The following ST6GALNAC5 variants were observed in gnomAD, a reference collection of about 807,000 sequenced individuals.
The protein encoded by ST6GALNAC5 is ST6 N-acetylgalactosaminide alpha-2,6-sialyltransferase 5.
In ST6GALNAC5, 27 loss-of-function variants were observed where a neutral mutation model predicts 33.6. The observed-to-expected ratio is 0.80, with a 90% confidence interval of 0.59 to 1.11. ST6GALNAC5 has a LOEUF of 1.11. Ranked by LOEUF, ST6GALNAC5 falls within the 50% of genes least tolerant of loss-of-function variation. The pLI, the probability that ST6GALNAC5 is intolerant of heterozygous loss-of-function variation, is 0.00. For missense variants in ST6GALNAC5, 428 were observed against 454.0 expected, an observed-to-expected ratio of 0.94 and a Z score of 0.52; for synonymous variants, 194 against 171.2, an observed-to-expected ratio of 1.13 and a Z score of -1.04.
chr1:76,929,250 C>T (rs1647113612), intron 2 of ST6GALNAC5, among the ~76,000 whole-genome samples: 3 of 152,012 alleles, frequency 2.0e-5, no homozygotes, highest in Admixed American at 6.6e-5. Context: ...TAAAATACTG[C>T]CTCTAGATGT....
rs975717564 is a variant in ST6GALNAC5, at chr1:77,012,817, A to G, written c.262-31387A>G. 3.9e-5 allele frequency among the ~76,000 whole-genome samples: 6 copies of G among 152,200 alleles called. 1 individual carries two copies. The highest frequency in any genetic ancestry group is 8.8e-5 in the Non-Finnish European group (6 of 68,036). ...TACTCTAGGGGATACAGGAATGAAG[A>G]AAAAAATGGTTCGTTCCCAAGAATC... On this transcript the variant is annotated intron_variant, in intron 2 of 4. Transcript: ENST00000477717.
At chr1:76,897,851 G>A (rs144071525) in intron 2 of ST6GALNAC5, among the ~76,000 whole-genome samples, 2,050 of 152,230 alleles carry the variant, frequency 0.013, 47 homozygotes, top group African/African-American at 0.046. Context: ...AAGCCTGGCC[G>A]TCAATACCCA....
chr1:76,982,566 G>A (rs1102449), intron 2 of ST6GALNAC5, among the ~76,000 whole-genome samples: 1 of 152,184 alleles, frequency 6.6e-6, no homozygotes, highest in Non-Finnish European at 1.5e-5. Flanking sequence ...ATGGGCGGAT[G>A]AAGCCAAGTT....
intron 2 of ST6GALNAC5, among the ~76,000 whole-genome samples, chr1:77,015,763 C>G (rs1650807630): frequency 6.6e-6 from 1 of 151,840 alleles, no homozygotes; most frequent in East Asian, 1.9e-4. Context: ...CAGGAGTGAA[C>G]CAGGTGGAGA....
intron 2 of ST6GALNAC5, among the ~76,000 whole-genome samples, chr1:77,019,927 C>T (rs1370426198): frequency 1.3e-5 from 2 of 152,166 alleles, no homozygotes; most frequent in African/African-American, 4.8e-5. Context: ...ATCAAAAGCC[C>T]TTGGAATCAA....
intron 2 of ST6GALNAC5, among the ~76,000 whole-genome samples, chr1:77,000,986 G>A (rs1036706816): frequency 5.3e-5 from 8 of 150,756 alleles, no homozygotes; most frequent in South Asian, 2.1e-4. Flanking sequence ...CTCTTTTTTG[G>A]TTCCATATGA....
intron 4 of ST6GALNAC5, among the ~76,000 whole-genome samples, chr1:77,052,451 C>G (rs149273510): frequency 6.6e-6 from 1 of 151,956 alleles, no homozygotes; most frequent in African/African-American, 2.4e-5. Context: ...AATAAGAAGA[C>G]GAACAAGCAG....
At chr1:77,004,121 A>G (rs1456916406) in intron 2 of ST6GALNAC5, among the ~76,000 whole-genome samples, 1 of 151,222 alleles carries the variant, frequency 6.6e-6, no homozygotes, top group Non-Finnish European at 1.5e-5. Flanking sequence ...CATCACTTTC[A>G]AGTACACCAA....
At chr1:76,988,281 A>T (rs1649588893) in intron 2 of ST6GALNAC5, among the ~76,000 whole-genome samples, 1 of 151,940 alleles carries the variant, frequency 6.6e-6, no homozygotes, top group Non-Finnish European at 1.5e-5. Flanking sequence ...CATATCCTGT[A>T]TCACGTTTTT....
chr1:76,922,724 A>G (rs1392520863), intron 2 of ST6GALNAC5, among the ~76,000 whole-genome samples: 1 of 152,144 alleles, frequency 6.6e-6, no homozygotes, highest in African/African-American at 2.4e-5. Flanking sequence ...AAAGCTTTGC[A>G]TAAGAAACTT....
intron 2 of ST6GALNAC5, among the ~76,000 whole-genome samples, chr1:76,908,921 T>A (rs1646887679): frequency 6.6e-6 from 1 of 152,200 alleles, no homozygotes; most frequent in African/African-American, 2.4e-5. Context: ...AATTGAAGTT[T>A]TATTTTCTGA....
intron 2 of ST6GALNAC5, among the ~76,000 whole-genome samples, chr1:77,005,470 G>A (rs1184133927): frequency 6.6e-6 from 1 of 152,234 alleles, no homozygotes; most frequent in Non-Finnish European, 1.5e-5. Context: ...CACGCTGGGA[G>A]CTGTAGACCG....
At chr1:76,874,972 A>G (rs192296274) in intron 2 of ST6GALNAC5, among the ~76,000 whole-genome samples, 1 of 152,334 alleles carries the variant, frequency 6.6e-6, no homozygotes. Flanking sequence ...CCCAACCCAA[A>G]TACTATTACA....
At chr1:76,890,668 G>A (rs1557711133) in intron 2 of ST6GALNAC5, among the ~76,000 whole-genome samples, 1 of 151,786 alleles carries the variant, frequency 6.6e-6, no homozygotes, top group Non-Finnish European at 1.5e-5. Flanking sequence ...TATAATGTGA[G>A]TGCTTGTATC....
At position 76,868,456 on chromosome 1, in the gene ST6GALNAC5, C is replaced by A; in HGVS notation, c.16-41C>A. ...GCTGGGCGCGCTCCTCCGGTGTCTG[C>A]GCTCAGCCGCTCTCCTCTTCTCTCT... On this transcript the variant is annotated intron_variant, in intron 1 of 4. Coordinates refer to ENST00000477717, the MANE Select transcript of ST6GALNAC5 (RefSeq NM_030965.3). The surrounding 1 kb of genome is among the most constrained non-coding windows in gnomAD (Gnocchi z 4.3). 6.4e-7 allele frequency: 1 copy of A among 1,570,936 alleles called. No homozygotes were observed. The highest frequency in any genetic ancestry group is 1.2e-5 in the South Asian group (1 of 84,580).
chr1:77,007,503 T>A (rs1333445489), intron 2 of ST6GALNAC5, among the ~76,000 whole-genome samples: 1 of 152,164 alleles, frequency 6.6e-6, no homozygotes, highest in East Asian at 1.9e-4. Flanking sequence ...GTTTTAGGAG[T>A]GAGAATAAAT....
intron 2 of ST6GALNAC5, among the ~76,000 whole-genome samples, chr1:76,871,789 G>T (rs1653510718): frequency 6.6e-6 from 1 of 152,106 alleles, no homozygotes; most frequent in African/African-American, 2.4e-5. Flanking sequence ...GCTACATGGA[G>T]TTTCTTGTCA....
At chr1:76,918,723 G>C (rs1647001115) in intron 2 of ST6GALNAC5, among the ~76,000 whole-genome samples, 1 of 150,818 alleles carries the variant, frequency 6.6e-6, no homozygotes, top group African/African-American at 2.4e-5. Context: ...TGGGTACTTT[G>C]ATCCCTAGGG....
rs145670250 is a variant in ST6GALNAC5 at position 76,915,707 on chromosome 1, G to T, written c.261+46965G>T. Reference sequence around the variant, plus strand: ...GGGGACTGTTGTGGGGTGAGGGGAGGGGGGAGGGATAGCATTAGGAGATAT... The same window carrying T: ...GGGGACTGTTGTGGGGTGAGGGGAGTGGGGAGGGATAGCATTAGGAGATAT... On this transcript the variant is annotated intron_variant, in intron 2 of 4. Coordinates refer to ENST00000477717, the MANE Select transcript of ST6GALNAC5 (RefSeq NM_030965.3). Among the ~76,000 whole-genome samples, 24 of 147,214 alleles carry T rather than the reference G, an allele frequency of 1.6e-4. 1 individual carries two copies. In the East Asian group the frequency reaches 4.1e-3, roughly 25 times the overall value.
Sources: gnomAD v4.1 joint callset for allele counts (sites outside exome capture counted in the v4.1 genomes callset) on GRCh38, gnomAD v4.1.1 for gene constraint, Gnocchi (gnomAD v3.1) non-coding constraint, MANE v1.5 for transcripts, NCBI Gene and HGNC (gene_info 2026-07-23, HGNC 2026-07-21) for gene names.